Variants in CIB2 observed in about 807,000 individuals in gnomAD.
CIB2 encodes the protein calcium and integrin binding family member 2, also known as calcium and integrin-binding family member 2.
Under a neutral mutation model 23.1 loss-of-function variants are expected in CIB2, and 19 were observed. The observed-to-expected ratio is 0.82, with a 90% CI of 0.57 to 1.21. CIB2 has a LOEUF of 1.21. Ranked by LOEUF, CIB2 falls within the 50% of genes most tolerant of loss-of-function variation. The pLI is 0.00. For missense variants in CIB2, 220 were observed against 241.5 expected (o/e 0.91, Z 0.59); for synonymous variants, 94 against 91.7 (o/e 1.03, Z -0.14).
At position 78,131,077 on chromosome 15, in the gene CIB2, T is replaced by C; in HGVS notation, c.51+88A>G. The C allele has an allele frequency of 8.2e-7, 1 of 1,225,076 alleles. No homozygotes were observed. Among genetic ancestry groups the C allele is most frequent in the Non-Finnish European group, 1.1e-6 (1 of 888,220 alleles). The allele number at this position is 1,225,076 out of a possible 1,614,324, so 75.9% of individuals were successfully genotyped here. A position where few individuals can be genotyped will look rare whatever the true frequency, so the allele number is the denominator to read the frequency against. ...AGGGTTTGAACCTGGGAGAGCTGGC[T>C]CTCGGGAGGCCTCGGCCAGCGACCG... On this transcript the variant is annotated intron_variant, in intron 1 of 5. Transcript: ENST00000258930. The surrounding 1 kb of genome is among the most constrained non-coding windows in gnomAD (Gnocchi z 5.8).
intron 4 of CIB2, among the ~76,000 whole-genome samples, chr15:78,107,392 G>C (rs1421603483): frequency 6.6e-6 from 1 of 152,220 alleles, no homozygotes; most frequent in Non-Finnish European, 1.5e-5. Context: ...GCGTCAGGGA[G>C]TATTCATCTC....
In CIB2 at chr15:78,109,347, A is replaced by C; in HGVS notation, c.234T>G (p.Phe78Leu). Residue 78 changes from phenylalanine to leucine, a missense_variant, in exon 4 of 6, where the codon TTT becomes TTG. Phe to Leu is a conservative substitution (Grantham distance 22). Transcript: ENST00000258930. Reference protein sequence around the residue: ...NPFKERIVAAFSEDGEGNLTF... With the variant: ...NPFKERIVAALSEDGEGNLTF... ...TGAGGTTCCCCTCACCATCCTCGGAAAACGCCGCCACGATCCTTTCTTTGA... is the reference window on the plus strand; with the variant it reads ...TGAGGTTCCCCTCACCATCCTCGGACAACGCCGCCACGATCCTTTCTTTGA... The C allele has an allele frequency of 6.2e-7, 1 of 1,614,128 alleles. No homozygotes were observed. Among genetic ancestry groups the C allele is most frequent in the East Asian group, 2.2e-5 (1 of 44,876 alleles).
intron 4 of CIB2, among the ~76,000 whole-genome samples, chr15:78,106,463 T>G (rs1042112403): frequency 2.6e-5 from 4 of 152,104 alleles, no homozygotes; most frequent in East Asian, 1.9e-4. Context: ...GTCAGGAGAC[T>G]CAAAATCAAA....
chr15:78,109,483 A>C (rs763234467), intron 3 of CIB2, 101 bp from the exon 4 acceptor site: 2 of 1,325,584 alleles, frequency 1.5e-6, no homozygotes, highest in African/African-American at 2.9e-5. Flanking sequence ...GGAGTGACCA[A>C]ATCCCTCTGA....
At chr15:78,108,905 G>A (rs1003680943) in intron 4 of CIB2, among the ~76,000 whole-genome samples, 2 of 152,156 alleles carry the variant, frequency 1.3e-5, no homozygotes, top group Non-Finnish European at 1.5e-5. Context: ...CATGGGCTGC[G>A]CCCTCTGTCA....
chr15:78,109,211 G>C, intron 4 of CIB2, 24 bp downstream of exon 4: 1 of 1,564,314 alleles, frequency 6.4e-7, no homozygotes, highest in East Asian at 2.3e-5. Flanking sequence ...GCATATTCAG[G>C]CCCCCTCCTC....
chr15:78,116,189 T>C (rs1232742055), intron 2 of CIB2, among the ~76,000 whole-genome samples: 1 of 152,136 alleles, frequency 6.6e-6, no homozygotes. Context: ...CTGGGCACGG[T>C]GGCTTACACC....
intron 2 of CIB2, among the ~76,000 whole-genome samples, chr15:78,115,945 G>A (rs1170620609): frequency 2.0e-5 from 3 of 151,344 alleles, no homozygotes; most frequent in East Asian, 1.9e-4. Flanking sequence ...TGTACTATTC[G>A]CCATCCAGGT....
chr15:78,114,240 T>A (rs949444809), intron 2 of CIB2, among the ~76,000 whole-genome samples: 8 of 152,184 alleles, frequency 5.3e-5, no homozygotes, highest in Admixed American at 3.9e-4. Context: ...AGGTATCCTC[T>A]GGGGTGGGAA....
rs1339321694 is a variant in CIB2 at position 78,120,490 on chromosome 15, G to A, written c.86+3215C>T. ...GGTGGGCCTCTCTGTGTACCAAGGGGACAAGGACTACTGTCCCGCTGATTA... is the reference window on the plus strand; with the variant it reads ...GGTGGGCCTCTCTGTGTACCAAGGGAACAAGGACTACTGTCCCGCTGATTA... On this transcript the variant is annotated intron_variant, in intron 2 of 5. Coordinates refer to ENST00000258930, the MANE Select transcript of CIB2 (RefSeq NM_006383.4). 1.7e-5 allele frequency: 16 copies of A among 948,898 alleles called. No individual in the cohort carries two copies. In the South Asian group the frequency reaches 1.9e-4, roughly 12 times the overall value. The allele number at this position is 948,898 out of a possible 1,614,324, so 58.8% of individuals were successfully genotyped here. A position where few individuals can be genotyped will look rare whatever the true frequency, so the allele number is the denominator to read the frequency against.
intron 3 of CIB2, chr15:78,110,840 G>A (rs2141890740): frequency 4.2e-6 from 2 of 476,188 alleles, no homozygotes; most frequent in East Asian, 6.3e-5. Context: ...CAGACAACGG[G>A]GAGACAGAAA....
intron 2 of CIB2, among the ~76,000 whole-genome samples, chr15:78,117,514 G>A (rs1055000483): frequency 3.3e-5 from 5 of 152,208 alleles, no homozygotes; most frequent in African/African-American, 1.2e-4. Context: ...TAATTCCTCT[G>A]AAAGTCACAA....
chr15:78,105,262 G>T lies in CIB2; in HGVS notation c.*49C>A. On this transcript the variant is annotated 3_prime_UTR_variant, in exon 6 of 6. Coordinates refer to ENST00000258930, the MANE Select transcript of CIB2 (RefSeq NM_006383.4). Reference sequence around the variant, plus strand: ...GCTTGGAGGCCACACCCATGTGACTGCAGGGCAGGATGGTGGACTTCTAGG... The same window carrying T: ...GCTTGGAGGCCACACCCATGTGACTTCAGGGCAGGATGGTGGACTTCTAGG... 1 of 1,612,576 alleles carries T rather than the reference G, an allele frequency of 6.2e-7. No individual in the cohort carries two copies. Among genetic ancestry groups the T allele is most frequent in the Non-Finnish European group, 8.5e-7 (1 of 1,179,110 alleles).
intron 2 of CIB2, among the ~76,000 whole-genome samples, chr15:78,117,843 TG>T (rs1041483169): frequency 2.0e-5 from 3 of 152,230 alleles, no homozygotes; most frequent in African/African-American, 7.2e-5. Context: ...CTGAATGATC[TG>T]GGGTCAGAAG....
intron 2 of CIB2, 54 bp downstream of exon 2, chr15:78,123,651 C>T: frequency 6.3e-7 from 1 of 1,597,616 alleles, no homozygotes. Flanking sequence ...GTGCCCCAGC[C>T]TCACCCCGGC....
Position 78,104,931 on chromosome 15 carries a change from T to A in CIB2, c.*380A>T. 3.9e-6 allele frequency: 1 copy of A among 255,102 alleles called. No individual in the cohort carries two copies. The highest frequency in any genetic ancestry group is 8.1e-5 in the East Asian group (1 of 12,346). 15.8% of individuals were successfully genotyped at this position (255,102 alleles called of 1,614,324 possible). On this transcript the variant is annotated 3_prime_UTR_variant, in exon 6 of 6. Transcript: ENST00000258930. This position sits in a 1 kb window ranked among gnomAD's most constrained non-coding sequence, Gnocchi z 4.4. ...TCTTTTTTTTTTTTCCGCTCTGTCC[T>A]GGGTGACCAGGGTGTCTGCCAGCAC...
intron 4 of CIB2, 95 bp downstream of exon 4, chr15:78,109,140 G>GAAGC: frequency 7.2e-7 from 1 of 1,391,840 alleles, no homozygotes; most frequent in South Asian, 1.4e-5. Context: ...TGTTCTTGGT[G>GAAGC]TCCCTAGGGC....
Position 78,105,758 on chromosome 15 carries a change from T to G in CIB2, c.523A>C (p.Lys175Gln), listed in dbSNP as rs200546031. The part of the protein sequence containing the change: ...GFADFEDMIA[K>Q]APDFLSTFHI... ...CAGCACCTGAGGAAGTCAGGGGCCT[T>G]GGCAATCATGTCCTCGAAGTCAGCA... is the stretch of plus-strand genomic sequence containing the variant. Residue 175 changes from lysine (K) to glutamine (Q), a missense_variant, in exon 5 of 6, where the codon AAG (lysine) becomes CAG (glutamine). Transcript: ENST00000258930. 900 of 1,614,178 alleles carry G rather than the reference T, an allele frequency of 5.6e-4. 1 individual carries two copies. The highest frequency in any genetic ancestry group is 5.3e-4 in the Non-Finnish European group (626 of 1,180,026).
At chr15:78,111,352 A>T in intron 2 of CIB2, 76 bp from the exon 3 acceptor site, 1 of 1,196,512 alleles carries the variant, frequency 8.4e-7, no homozygotes, top group Non-Finnish European at 1.2e-6. Context: ...TGTCCTGCCT[A>T]GGCCTCTGCC....
Sources: gnomAD v4.1 joint callset for allele counts (sites outside exome capture counted in the v4.1 genomes callset) on GRCh38, gnomAD v4.1.1 for gene constraint, Gnocchi (gnomAD v3.1) non-coding constraint, MANE v1.5 for transcripts, NCBI Gene and HGNC (gene_info 2026-07-23, HGNC 2026-07-21) for gene names.